KIAA1217: variants seen among roughly 807,000 people sequenced by gnomAD.
KIAA1217 encodes the protein sickle tail protein homolog.
A neutral mutation model predicts 163.9 loss-of-function variants in KIAA1217; 88 were observed. That is an observed-to-expected ratio of 0.54 (90% CI 0.45 to 0.64). The LOEUF is 0.64. Among genes scored for constraint, KIAA1217 ranks in the 30% least tolerant of loss-of-function variants. The pLI, the probability that KIAA1217 is intolerant of heterozygous loss-of-function variation, is 0.00. For missense variants in KIAA1217, 2,372 were observed against 2,475.0 expected (o/e 0.96, Z 0.88); for synonymous variants, 903 against 923.1 (o/e 0.98, Z 0.39).
chr10:24,212,056 AAGAC>A (rs1564837027), intron 1 of KIAA1217, among the ~76,000 whole-genome samples: 1 of 151,740 alleles, frequency 6.6e-6, no homozygotes, highest in Non-Finnish European at 1.5e-5. Context: ...GAGAGAGAGA[AAGAC>A]AGAGAGAAAG....
intron 1 of KIAA1217, among the ~76,000 whole-genome samples, chr10:23,967,786 G>C (rs1365916143): frequency 6.6e-6 from 1 of 152,010 alleles, no homozygotes; most frequent in Admixed American, 6.6e-5. Flanking sequence ...ATTGTTTAGA[G>C]GTGAATATTT....
At chr10:23,814,252 G>A (rs1837215521) in intron 1 of KIAA1217, among the ~76,000 whole-genome samples, 1 of 152,122 alleles carries the variant, frequency 6.6e-6, no homozygotes, top group Non-Finnish European at 1.5e-5. Context: ...GGAATGAGTG[G>A]ATCATTCTGC....
At chr10:23,991,186 T>A (rs1391236225) in intron 1 of KIAA1217, among the ~76,000 whole-genome samples, 2 of 152,220 alleles carry the variant, frequency 1.3e-5, no homozygotes, top group African/African-American at 4.8e-5. Flanking sequence ...GCAAACCCAG[T>A]CTGTGGGTCT....
At chr10:24,204,319 T>C (rs76280284), upstream of KIAA1217, among the ~76,000 whole-genome samples, 2,699 of 152,208 alleles carry the variant, frequency 0.018, 35 homozygotes, top group Non-Finnish European at 0.027. Flanking sequence ...CCTGGTGAAA[T>C]TGTTGCTCTT....
At chr10:24,360,040 C>CATTTTTTTTTTTTT (rs55881849) in intron 2 of KIAA1217, among the ~76,000 whole-genome samples, 2 of 94,282 alleles carry the variant, frequency 2.1e-5, no homozygotes, top group Non-Finnish European at 1.9e-5. Context: ...GATATAATTA[C>CATTTTTTTTTTTTT]TTTTTTTTTT....
At chr10:23,930,271 T>A (rs1843204367) in intron 1 of KIAA1217, among the ~76,000 whole-genome samples, 1 of 152,212 alleles carries the variant, frequency 6.6e-6, no homozygotes, top group Non-Finnish European at 1.5e-5. Context: ...TTTATGTTTC[T>A]GAAATAAGGG....
intron 2 of KIAA1217, among the ~76,000 whole-genome samples, chr10:24,173,964 C>G (rs1174197726): frequency 1.3e-5 from 2 of 152,200 alleles, no homozygotes; most frequent in African/African-American, 4.8e-5. Flanking sequence ...ATGGGGCTGT[C>G]TTGTACCCTC....
At chr10:24,484,241 A>ATTTTTTTTTTTTTTTTT (rs59233394) in intron 6 of KIAA1217, among the ~76,000 whole-genome samples, 2 of 75,144 alleles carry the variant, frequency 2.7e-5, no homozygotes, top group African/African-American at 4.9e-5. Flanking sequence ...ATATATATAT[A>ATTTTTTTTTTTTTTTTT]TTTTTTTTTT....
At chr10:24,040,117 C>T (rs1363246235) in intron 2 of KIAA1217, among the ~76,000 whole-genome samples, 1 of 152,228 alleles carries the variant, frequency 6.6e-6, no homozygotes, top group East Asian at 1.9e-4. Context: ...ACTGATCCTT[C>T]CAGTCAGCTT....
chr10:24,262,767 A>G (rs1402440884), intron 2 of KIAA1217, among the ~76,000 whole-genome samples: 1 of 152,150 alleles, frequency 6.6e-6, no homozygotes, highest in Non-Finnish European at 1.5e-5. Flanking sequence ...CAACATGGCG[A>G]AACCTCATCT....
At chr10:24,029,928 C>G (rs1848123856) in intron 2 of KIAA1217, among the ~76,000 whole-genome samples, 1 of 152,120 alleles carries the variant, frequency 6.6e-6, no homozygotes. Flanking sequence ...CATGGTTAGG[C>G]CTCAGAGAGA....
At chr10:24,541,063 A>G (rs2074987080) in intron 17 of KIAA1217, among the ~76,000 whole-genome samples, 1 of 151,122 alleles carries the variant, frequency 6.6e-6, no homozygotes. Flanking sequence ...GCCACTACAC[A>G]TAGCCTATTT....
chr10:24,526,341 A>G (rs1428052763), intron 13 of KIAA1217, among the ~76,000 whole-genome samples: 2 of 152,124 alleles, frequency 1.3e-5, no homozygotes, highest in Non-Finnish European at 2.9e-5. Flanking sequence ...GCATATCACA[A>G]GGGTACAGAA....
intron 1 of KIAA1217, among the ~76,000 whole-genome samples, chr10:23,752,039 C>T (rs988897610): frequency 2.6e-5 from 4 of 152,138 alleles, no homozygotes; most frequent in African/African-American, 9.7e-5. Context: ...AGCAATCCAC[C>T]CTCATGTTAG....
rs574531296 is a variant in KIAA1217 at position 23,824,605 on chromosome 10, G to A, written c.-321+129371G>A. Among the ~76,000 whole-genome samples the A allele has an allele frequency of 9.8e-5, 12 of 122,996 alleles. No homozygotes were observed. The South Asian group carries it at 3.2e-3, about 33-fold the overall frequency. The allele number at this position is 122,996 out of a possible 152,430, so 80.7% of individuals were successfully genotyped here. On this transcript the variant is annotated intron_variant, in intron 1 of 18. Transcript: ENST00000376462. ...ATGGCGCCATTGCACTCCAGCCTGG[G>A]CAACAAGAGTGAAACTCTGTCTCAA...
At chr10:24,252,973 C>T (rs529040925) in intron 2 of KIAA1217, among the ~76,000 whole-genome samples, 10 of 147,802 alleles carry the variant, frequency 6.8e-5, no homozygotes, top group South Asian at 2.2e-4. Flanking sequence ...GGTAATATAG[C>T]GAGACCCCGC....
intron 1 of KIAA1217, among the ~76,000 whole-genome samples, chr10:23,934,953 C>A (rs1389450021): frequency 6.6e-6 from 1 of 151,880 alleles, no homozygotes; most frequent in Non-Finnish European, 1.5e-5. Context: ...GCATAAAACA[C>A]TAAAAACAAA....
chr10:23,749,566 C>T (rs1255221536), intron 1 of KIAA1217, among the ~76,000 whole-genome samples: 1 of 152,140 alleles, frequency 6.6e-6, no homozygotes, highest in Non-Finnish European at 1.5e-5. Flanking sequence ...CACTACCATG[C>T]CCAGCTGATT....
chr10:24,472,012 G>C (rs1421530766), intron 5 of KIAA1217, among the ~76,000 whole-genome samples: 1 of 151,932 alleles, frequency 6.6e-6, no homozygotes, highest in Non-Finnish European at 1.5e-5. Context: ...CGCATAGCTT[G>C]AATGTTATAT....
Sources: gnomAD v4.1 joint callset for allele counts (sites outside exome capture counted in the v4.1 genomes callset) on GRCh38, gnomAD v4.1.1 for gene constraint, MANE v1.5 for transcripts, NCBI Gene and HGNC (gene_info 2026-07-23, HGNC 2026-07-21) for gene names.